RECK: variants seen among roughly 807,000 people sequenced by gnomAD.
RECK encodes the protein reversion-inducing cysteine-rich protein with Kazal motifs.
RECK carries 69 observed loss-of-function variants against 115.1 expected under a neutral mutation model. That is an observed-to-expected ratio of 0.60 (90% CI 0.49 to 0.73). The LOEUF (loss-of-function observed/expected upper bound fraction) is 0.73, where lower values mean the gene tolerates loss of function less well. Among genes scored for constraint, RECK ranks in the 30% least tolerant of loss-of-function variants. The pLI is 0.00. For synonymous variants in RECK, 414 were observed against 419.7 expected (o/e 0.99, Z 0.17); for missense variants, 1,047 against 1,203.7 (o/e 0.87, Z 1.93).
Position 36,036,975 on chromosome 9 carries a change from G to T in RECK, c.-24G>T. On this transcript the variant is annotated 5_prime_UTR_variant, in exon 1 of 21. Transcript: ENST00000377966. Reference sequence around the variant, plus strand: ...CCAAGCTGGGTCCGAGCATCCCGCGGCTCTGGAGCCGCCCGGCCCGGACAT... The same window carrying T: ...CCAAGCTGGGTCCGAGCATCCCGCGTCTCTGGAGCCGCCCGGCCCGGACAT... The T allele has an allele frequency of 7.1e-7, 1 of 1,403,102 alleles. No individual in the cohort carries two copies. The highest frequency in any genetic ancestry group is 9.3e-7 in the Non-Finnish European group (1 of 1,074,556). The allele number at this position is 1,403,102 out of a possible 1,614,324, so 86.9% of individuals were successfully genotyped here.
At chr9:36,091,090 G>C (rs1041493482) in intron 9 of RECK, 74 bp from the exon 10 acceptor site, 1 of 1,406,808 alleles carries the variant, frequency 7.1e-7, no homozygotes, top group Non-Finnish European at 1.0e-6. Flanking sequence ...AGTTCATAGA[G>C]TTTTAGTTTT....
intron 16 of RECK, among the ~76,000 whole-genome samples, chr9:36,113,799 A>T (rs997749295): frequency 2.0e-5 from 3 of 152,244 alleles, no homozygotes; most frequent in African/African-American, 7.2e-5. Flanking sequence ...GAGATCAATA[A>T]CCTAATAGAA....
intron 1 of RECK, among the ~76,000 whole-genome samples, chr9:36,047,378 G>A (rs1047272051): frequency 6.6e-6 from 1 of 152,176 alleles, no homozygotes; most frequent in Non-Finnish European, 1.5e-5. Context: ...GGAGGCCAGG[G>A]TGGGCGGATC....
At chr9:36,080,298 T>G (rs1444234539) in intron 6 of RECK, among the ~76,000 whole-genome samples, 3 of 152,250 alleles carry the variant, frequency 2.0e-5, no homozygotes, top group Non-Finnish European at 4.4e-5. Flanking sequence ...TTTTATATCC[T>G]GCAAGGAATA....
chr9:36,115,720 G>A (rs1212986529), intron 16 of RECK, among the ~76,000 whole-genome samples: 1 of 152,014 alleles, frequency 6.6e-6, no homozygotes, highest in Non-Finnish European at 1.5e-5. Flanking sequence ...AGTGATTTTG[G>A]TGCAGGTTAG....
At position 36,094,439 on chromosome 9, in the gene RECK, A is replaced by G. The variant is rs909826783; in HGVS notation, c.1085+3096A>G. On this transcript the variant is annotated intron_variant, in intron 10 of 20. Transcript: ENST00000377966. This position sits in a 1 kb window ranked among gnomAD's most constrained non-coding sequence, Gnocchi z 4.1. ...ATGGACATATATTATGCCTAGAGCAACCACTAATTTAAAACACAACACAAA... is the reference window on the plus strand; with the variant it reads ...ATGGACATATATTATGCCTAGAGCAGCCACTAATTTAAAACACAACACAAA... Among the ~76,000 whole-genome samples the G allele has an allele frequency of 7.2e-5, 11 of 152,142 alleles. No homozygotes were observed. Among genetic ancestry groups the G allele is most frequent in the Non-Finnish European group, 1.3e-4 (9 of 67,996 alleles).
At chr9:36,112,260 G>C (rs774430237) in intron 15 of RECK, 45 bp from the exon 16 acceptor site, 114 of 1,579,434 alleles carry the variant, frequency 7.2e-5, no homozygotes, top group Non-Finnish European at 9.8e-5. Context: ...TAAGGGGAGG[G>C]GGAATATACA....
intron 8 of RECK, 32 bp from the exon 9 acceptor site, chr9:36,087,662 C>G: frequency 6.3e-7 from 1 of 1,590,304 alleles, no homozygotes. Context: ...AAAAAAACAG[C>G]TAATTAAGCC....
chr9:36,052,328 G>T lies in RECK; in HGVS notation c.159+5G>T, dbSNP rs1289612155. 6.3e-7 allele frequency: 1 copy of T among 1,599,356 alleles called. No homozygotes were observed. The highest frequency in any genetic ancestry group is 1.3e-5 in the African/African-American group (1 of 74,678). On this transcript the variant is annotated splice_donor_5th_base_variant and intron_variant, in intron 2 of 20. Coordinates refer to ENST00000377966, the MANE Select transcript of RECK (RefSeq NM_021111.3). Reference sequence around the variant, plus strand: ...TGCCGTGATGTATGTGAACAGGTAAGATTACATAATAATTACAGAGGCAGC... The same window carrying T: ...TGCCGTGATGTATGTGAACAGGTAATATTACATAATAATTACAGAGGCAGC...
Position 36,094,191 on chromosome 9 carries a change from A to C in RECK, c.1085+2848A>C, listed in dbSNP as rs1823256431. On this transcript the variant is annotated intron_variant, in intron 10 of 20. Transcript: ENST00000377966. This position sits in a 1 kb window ranked among gnomAD's most constrained non-coding sequence, Gnocchi z 4.1. ...TAAACATGAAAAATATTTTTTCTTT[A>C]TTTTCTTTTTCTTTTTTTTCTTTTG... 1.3e-5 allele frequency among the ~76,000 whole-genome samples: 2 copies of C among 148,946 alleles called. No individual in the cohort carries two copies. The highest frequency in any genetic ancestry group is 4.2e-4 in the South Asian group (2 of 4,768).
intron 1 of RECK, among the ~76,000 whole-genome samples, chr9:36,043,044 G>A (rs1030191455): frequency 5.1e-4 from 13 of 25,584 alleles, no homozygotes; most frequent in Non-Finnish European, 6.4e-4. Flanking sequence ...TTTTTTTGTT[G>A]AGACGGAGTC....
chr9:36,100,656 C>G (rs914227642), intron 11 of RECK, 113 bp downstream of exon 11: 2 of 735,388 alleles, frequency 2.7e-6, no homozygotes, highest in South Asian at 1.8e-5. Context: ...GCCTATCACC[C>G]CCGTATGTCA....
At chr9:36,059,398 G>T (rs1256812432) in intron 3 of RECK, among the ~76,000 whole-genome samples, 1 of 150,894 alleles carries the variant, frequency 6.6e-6, no homozygotes, top group African/African-American at 2.4e-5. Flanking sequence ...GGAGGTTGCA[G>T]TGAGCTGAGA....
chr9:36,118,061 G>A (rs544248221), intron 17 of RECK, among the ~76,000 whole-genome samples: 15 of 152,292 alleles, frequency 9.8e-5, no homozygotes, highest in African/African-American at 3.4e-4. Flanking sequence ...CTCTCCCTGG[G>A]GCCGTGCTTT....
intron 1 of RECK, among the ~76,000 whole-genome samples, chr9:36,042,425 TGTGTG>T (rs1405043815): frequency 2.7e-5 from 1 of 36,394 alleles, no homozygotes; most frequent in Non-Finnish European, 4.4e-5. Flanking sequence ...TATTCCATAG[TGTGTG>T]TGTGTGTGTG....
intron 10 of RECK, among the ~76,000 whole-genome samples, chr9:36,099,005 C>T (rs563948515): frequency 3.9e-5 from 6 of 152,194 alleles, no homozygotes; most frequent in African/African-American, 1.4e-4. Flanking sequence ...GTGAGCAGAT[C>T]GCTTGGGCCC....
Sources: allele counts gnomAD v4.1 joint callset (sites outside exome capture counted in the v4.1 genomes callset), GRCh38; gene constraint gnomAD v4.1.1; non-coding constraint Gnocchi (gnomAD v3.1); transcripts MANE v1.5; gene names NCBI Gene and HGNC (gene_info 2026-07-23, HGNC 2026-07-21).